The following BICD1 variants were observed in gnomAD, a reference collection of about 807,000 sequenced individuals.
BICD1 encodes the protein protein bicaudal D homolog 1.
BICD1 carries 35 observed loss-of-function variants against 92.5 expected under a neutral mutation model. The observed-to-expected ratio is 0.38, with a 90% CI of 0.29 to 0.50. The LOEUF is 0.50. BICD1 is among the 20% of genes least tolerant of loss of function. BICD1 has a pLI of 0.93. For missense variants in BICD1, 950 were observed against 1,189.8 expected (o/e 0.80, Z 2.97); for synonymous variants, 429 against 465.1 (o/e 0.92, Z 1.00).
At chr12:32,259,945 A>G (rs144410332) in intron 2 of BICD1, among the ~76,000 whole-genome samples, 1,458 of 140,888 alleles carry the variant, frequency 0.01, 19 homozygotes, top group African/African-American at 0.034. Context: ...TTTTTTTGAG[A>G]TGGAGTTTTG....
intron 8 of BICD1, chr12:32,339,752 A>G: frequency 1.0e-6 from 1 of 985,444 alleles, no homozygotes; most frequent in Non-Finnish European, 1.2e-6. Flanking sequence ...CCCATAAACC[A>G]AAGTAAGCTT....
chr12:32,241,623 T>C (rs1281300572), intron 2 of BICD1, among the ~76,000 whole-genome samples: 4 of 152,228 alleles, frequency 2.6e-5, no homozygotes, highest in African/African-American at 9.6e-5. Flanking sequence ...ATTAGCAATC[T>C]GTGAATTGTA....
In BICD1 at chr12:32,324,389, G is replaced by A. The variant is rs74978915; in HGVS notation, c.1006-3072G>A. Among the ~76,000 whole-genome samples, 1,505 of 150,682 alleles carry A rather than the reference G, an allele frequency of 1.0e-2. 25 individuals are homozygous for A. Among genetic ancestry groups the A allele is most frequent in the African/African-American group, 0.035 (1,438 of 41,004 alleles). On this transcript the variant is annotated intron_variant, in intron 4 of 9. Coordinates refer to ENST00000652176, the MANE Select transcript of BICD1 (RefSeq NM_001714.4). Reference sequence around the variant, plus strand: ...CAAAAAAAAAAACTTAGGACACTGAGCAAGAATCTTTTCTATGCTTTGGCA... The same window carrying A: ...CAAAAAAAAAAACTTAGGACACTGAACAAGAATCTTTTCTATGCTTTGGCA...
Position 32,328,021 on chromosome 12 carries a change from G to A in BICD1, c.1566G>A (p.Val522=), listed in dbSNP as rs1160805290. The change falls in exon 5 of 10, where the codon GTG becomes GTA. Residue 522 remains valine, a synonymous_variant. Coordinates refer to ENST00000652176, the MANE Select transcript of BICD1 (RefSeq NM_001714.4). The surrounding 1 kb of genome is among the most constrained non-coding windows in gnomAD (Gnocchi z 4.4). ...AGTTAGCTCAGCTTTACCACCATGT[G>A]TGTCTATGTAATAATGAAACTCCCA... is the stretch of plus-strand genomic sequence containing the variant. ...SEELAQLYHH[V]CLCNNETPNR... 3 of 1,614,118 alleles carry A rather than the reference G, an allele frequency of 1.9e-6. No homozygotes were observed. The highest frequency in any genetic ancestry group is 1.7e-5 in the Admixed American group (1 of 60,010).
intron 1 of BICD1, chr12:32,108,730 G>A: frequency 4.6e-6 from 3 of 656,296 alleles, no homozygotes; most frequent in Non-Finnish European, 5.5e-6. Flanking sequence ...TTTTAGATAT[G>A]TCTTATTTTT....
chr12:32,297,844 C>T (rs934295340), intron 3 of BICD1, among the ~76,000 whole-genome samples: 3 of 151,860 alleles, frequency 2.0e-5, no homozygotes, highest in Non-Finnish European at 4.4e-5. Flanking sequence ...ATAGCACCTA[C>T]GATAGAGCCT....
At chr12:32,181,433 T>A (rs1218569401) in intron 1 of BICD1, among the ~76,000 whole-genome samples, 1 of 150,264 alleles carries the variant, frequency 6.7e-6, no homozygotes, top group South Asian at 2.1e-4. Context: ...AAAAAAAAAA[T>A]TTACTTTTTA....
chr12:32,355,123 CTT>C (rs1229835051), intron 8 of BICD1, among the ~76,000 whole-genome samples: 1 of 152,180 alleles, frequency 6.6e-6, no homozygotes, highest in Non-Finnish European at 1.5e-5. Context: ...ATTTTCAAGA[CTT>C]ATATATTAAA....
chr12:32,201,156 C>A (rs1056047932), intron 1 of BICD1, among the ~76,000 whole-genome samples: 1 of 152,184 alleles, frequency 6.6e-6, no homozygotes, highest in African/African-American at 2.4e-5. Flanking sequence ...GAAAGAAAAT[C>A]TCCTTTCTAT....
At chr12:32,246,808 T>C (rs1187597192) in intron 2 of BICD1, among the ~76,000 whole-genome samples, 1 of 152,150 alleles carries the variant, frequency 6.6e-6, no homozygotes, top group Non-Finnish European at 1.5e-5. Context: ...ACAAAACCCT[T>C]GCTCTCATGA....
At chr12:32,368,514 G>A (rs1278197194) in intron 9 of BICD1, among the ~76,000 whole-genome samples, 1 of 152,162 alleles carries the variant, frequency 6.6e-6, no homozygotes, top group South Asian at 2.1e-4. Context: ...GGGCAACATG[G>A]TGAAACCCCG....
intron 2 of BICD1, among the ~76,000 whole-genome samples, chr12:32,236,776 AGT>A (rs1946084351): frequency 6.6e-6 from 1 of 152,148 alleles, no homozygotes; most frequent in South Asian, 2.1e-4. Flanking sequence ...ATGATAAGAA[AGT>A]GAAACAGCCT....
At chr12:32,309,681 G>A (rs913538477) in intron 4 of BICD1, among the ~76,000 whole-genome samples, 9 of 152,154 alleles carry the variant, frequency 5.9e-5, no homozygotes, top group Non-Finnish European at 1.2e-4. Context: ...AGTTGCAGGC[G>A]TTGTAGGAAT....
intron 1 of BICD1, among the ~76,000 whole-genome samples, chr12:32,181,684 A>G (rs573659915): frequency 6.6e-6 from 1 of 152,098 alleles, no homozygotes; most frequent in East Asian, 1.9e-4. Context: ...CTATCAGAAA[A>G]TATCATTTTT....
chr12:32,274,253 A>G (rs992862065), intron 2 of BICD1, among the ~76,000 whole-genome samples: 1 of 152,216 alleles, frequency 6.6e-6, no homozygotes, highest in African/African-American at 2.4e-5. Flanking sequence ...GTGGCAGCCA[A>G]CTTAAGACAG....
intron 2 of BICD1, among the ~76,000 whole-genome samples, chr12:32,276,991 C>A (rs989471572): frequency 3.9e-5 from 6 of 152,046 alleles, no homozygotes; most frequent in Non-Finnish European, 8.8e-5. Context: ...CTCTGGACGT[C>A]CCCCCCTACT....
chr12:32,381,313 G>A lies in BICD1; in HGVS notation c.*3686G>A, dbSNP rs1179628658. On this transcript the variant is annotated 3_prime_UTR_variant, in exon 10 of 10. Transcript: ENST00000652176. ...GAGTCTAAAAAAACAATGTCCTCAG[G>A]AATACTTCAGAAATAGAAGGTATGC... The A allele has an allele frequency of 6.6e-6, 1 of 151,988 alleles. No homozygotes were observed. The highest frequency in any genetic ancestry group is 6.6e-5 in the Admixed American group (1 of 15,244). 9.4% of individuals were successfully genotyped at this position (151,988 alleles called of 1,614,324 possible).
At chr12:32,129,845 A>C (rs1942478144) in intron 1 of BICD1, among the ~76,000 whole-genome samples, 1 of 152,206 alleles carries the variant, frequency 6.6e-6, no homozygotes, top group African/African-American at 2.4e-5. Flanking sequence ...ATTCCTGAGA[A>C]TATTTATTAA....
intron 8 of BICD1, chr12:32,353,226 T>C (rs1428424726): frequency 6.6e-6 from 1 of 152,178 alleles, no homozygotes; most frequent in Admixed American, 6.5e-5. Context: ...TCATTGGAAA[T>C]TCTTATTCTT....
Sources: allele counts gnomAD v4.1 joint callset (sites outside exome capture counted in the v4.1 genomes callset), GRCh38; gene constraint gnomAD v4.1.1; non-coding constraint Gnocchi (gnomAD v3.1); transcripts MANE v1.5; gene names NCBI Gene and HGNC (gene_info 2026-07-23, HGNC 2026-07-21).